The following SHLD1 variants were observed in gnomAD, a reference collection of about 807,000 sequenced individuals.
SHLD1 encodes shieldin complex subunit 1, also known as RINN1-REV7-interacting novel NHEJ regulator 3.
A neutral mutation model predicts 5.5 loss-of-function variants in SHLD1; 3 were observed. The ratio of observed to expected loss-of-function variants is 0.54; its 90% CI spans 0.25 to 1.40. The LOEUF is 1.40. Among genes scored for constraint, SHLD1 ranks in the 40% most tolerant of loss-of-function variants. The pLI, the probability that SHLD1 is intolerant of heterozygous loss-of-function variation, is 0.15. For missense variants in SHLD1, 210 were observed against 244.4 expected (o/e 0.86, Z 0.94); for synonymous variants, 92 against 94.3 (o/e 0.98, Z 0.14).
intron 2 of SHLD1, among the ~76,000 whole-genome samples, chr20:5,797,523 A>T (rs2087230497): frequency 6.6e-6 from 1 of 151,992 alleles, no homozygotes; most frequent in Non-Finnish European, 1.5e-5. Context: ...TGAACATACC[A>T]CTGCACTCCA....
intron 1 of SHLD1, among the ~76,000 whole-genome samples, chr20:5,762,966 C>G (rs1335885145): frequency 1.2e-5 from 1 of 84,628 alleles, no homozygotes; most frequent in African/African-American, 5.1e-5. Flanking sequence ...AGTGAGACTC[C>G]GTCTCAAAAA....
intron 2 of SHLD1, among the ~76,000 whole-genome samples, chr20:5,825,930 AG>A (rs1302204419): frequency 1.3e-5 from 2 of 152,116 alleles, no homozygotes; most frequent in Non-Finnish European, 2.9e-5. Context: ...CGACATGGGG[AG>A]TGGGGCTTGA....
intron 2 of SHLD1, among the ~76,000 whole-genome samples, chr20:5,840,497 C>T (rs2087844718): frequency 6.6e-6 from 1 of 152,098 alleles, no homozygotes; most frequent in Admixed American, 6.5e-5. Context: ...TGGATAGTGG[C>T]AGAGGCAGCA....
chr20:5,805,425 G>A (rs1344304626), intron 2 of SHLD1, among the ~76,000 whole-genome samples: 1 of 152,072 alleles, frequency 6.6e-6, no homozygotes, highest in Non-Finnish European at 1.5e-5. Flanking sequence ...CCGAAGTGCT[G>A]AGATTACAGG....
intron 1 of SHLD1, among the ~76,000 whole-genome samples, chr20:5,768,875 G>A (rs894360415): frequency 1.3e-5 from 2 of 150,672 alleles, no homozygotes; most frequent in Admixed American, 6.6e-5. Flanking sequence ...CACATTTAAC[G>A]TATCATGGAC....
At chr20:5,758,082 C>T (rs1009125435) in intron 1 of SHLD1, among the ~76,000 whole-genome samples, 2 of 151,748 alleles carry the variant, frequency 1.3e-5, no homozygotes, top group African/African-American at 2.4e-5. Flanking sequence ...AATTGAGAAG[C>T]GTTTCCTCCT....
chr20:5,783,978 G>A (rs922586866), intron 2 of SHLD1, among the ~76,000 whole-genome samples: 3 of 151,864 alleles, frequency 2.0e-5, no homozygotes, highest in Non-Finnish European at 2.9e-5. Flanking sequence ...ATGGCAAAAC[G>A]CCGTCTCTAC....
chr20:5,750,680 A>C (rs1463738970), intron 1 of SHLD1, among the ~76,000 whole-genome samples: 1 of 151,868 alleles, frequency 6.6e-6, no homozygotes, highest in African/African-American at 2.4e-5. Flanking sequence ...ATTTGTGGAT[A>C]GTGAGTATGG....
chr20:5,761,551 T>A (rs1449905882), intron 1 of SHLD1, among the ~76,000 whole-genome samples: 1 of 151,786 alleles, frequency 6.6e-6, no homozygotes, highest in Admixed American at 6.6e-5. Context: ...ATTTTACTTA[T>A]CAGAGCTAGC....
intron 2 of SHLD1, among the ~76,000 whole-genome samples, chr20:5,813,256 G>A (rs2087484206): frequency 6.6e-6 from 1 of 152,106 alleles, no homozygotes; most frequent in Admixed American, 6.5e-5. Context: ...GGGAGGCCGA[G>A]GCAGGCGGAT....
At chr20:5,757,367 C>A (rs894845690) in intron 1 of SHLD1, among the ~76,000 whole-genome samples, 1 of 151,836 alleles carries the variant, frequency 6.6e-6, no homozygotes, top group African/African-American at 2.4e-5. Flanking sequence ...CTATGCCCAG[C>A]CTTTTTCTCT....
intron 1 of SHLD1, among the ~76,000 whole-genome samples, chr20:5,768,499 G>C (rs1403806960): frequency 6.6e-6 from 1 of 152,216 alleles, no homozygotes; most frequent in Non-Finnish European, 1.5e-5. Flanking sequence ...AGGAGGGAAG[G>C]GTCTGTGACA....
chr20:5,824,420 A>G (rs1352084220), intron 2 of SHLD1, among the ~76,000 whole-genome samples: 1 of 151,968 alleles, frequency 6.6e-6, no homozygotes, highest in Non-Finnish European at 1.5e-5. Flanking sequence ...TAAATTCCTT[A>G]TTTATTTGTT....
rs79845554 is a variant in SHLD1 at position 5,833,290 on chromosome 20, C to T, written c.179-29734C>T. On this transcript the variant is annotated intron_variant, in intron 2 of 2. Transcript: ENST00000303142. ...CTTTTATTTTAGGTTGAGGGGTACACGTGCAGGTTTATTATATAGGTAAAC... is the reference window on the plus strand; with the variant it reads ...CTTTTATTTTAGGTTGAGGGGTACATGTGCAGGTTTATTATATAGGTAAAC... Among the ~76,000 whole-genome samples, 364 of 152,240 alleles carry T rather than the reference C, an allele frequency of 2.4e-3. 1 individual carries two copies. Among genetic ancestry groups the T allele is most frequent in the African/African-American group, 8.5e-3 (354 of 41,538 alleles).
chr20:5,821,034 G>A (rs1384277193), intron 2 of SHLD1, among the ~76,000 whole-genome samples: 1 of 152,228 alleles, frequency 6.6e-6, no homozygotes, highest in Non-Finnish European at 1.5e-5. Flanking sequence ...GTTTGCTTAA[G>A]TATTGGATGT....
chr20:5,810,470 TAG>T (rs1212615544), intron 2 of SHLD1, among the ~76,000 whole-genome samples: 1 of 152,126 alleles, frequency 6.6e-6, no homozygotes, highest in Non-Finnish European at 1.5e-5. Flanking sequence ...CTAAGTTGCC[TAG>T]AGTCTTTCTA....
intron 1 of SHLD1, among the ~76,000 whole-genome samples, chr20:5,757,721 GC>G (rs984754186): frequency 2.2e-4 from 33 of 152,058 alleles, no homozygotes; most frequent in Non-Finnish European, 7.3e-5. Context: ...TCCTGCCTCA[GC>G]CCCCCGAGTA....
intron 1 of SHLD1, among the ~76,000 whole-genome samples, chr20:5,762,078 C>T (rs1984499581): frequency 6.6e-6 from 1 of 151,228 alleles, no homozygotes; most frequent in Non-Finnish European, 1.5e-5. Context: ...ATGGTGAAAC[C>T]TCATCTCTAC....
intron 2 of SHLD1, among the ~76,000 whole-genome samples, chr20:5,795,469 C>T (rs577863166): frequency 2.6e-5 from 4 of 151,760 alleles, no homozygotes; most frequent in Non-Finnish European, 5.9e-5. Context: ...TGTGGTGGCA[C>T]GTGCCTGTAA....
Sources: allele counts gnomAD v4.1 joint callset (sites outside exome capture counted in the v4.1 genomes callset), GRCh38; gene constraint gnomAD v4.1.1; transcripts MANE v1.5; gene names NCBI Gene and HGNC (gene_info 2026-07-23, HGNC 2026-07-21).